CNTN4: variants seen among roughly 807,000 people sequenced by gnomAD.
The protein encoded by CNTN4 is contactin 4.
In CNTN4, 77 loss-of-function variants were observed where a neutral mutation model predicts 122.5. That is an observed-to-expected ratio of 0.63 (90% CI 0.52 to 0.76). The LOEUF (loss-of-function observed/expected upper bound fraction) is 0.76. Among genes scored for constraint, CNTN4 ranks in the 30% least tolerant of loss-of-function variants. The probability of loss-of-function intolerance (pLI) is 0.00; values close to 1 mark genes in which losing one functional copy is unlikely to be tolerated. For missense variants in CNTN4, 1,256 were observed against 1,259.1 expected (o/e 1.00, Z 0.04); for synonymous variants, 512 against 447.0 (o/e 1.15, Z -1.83).
rs2046141872 is a variant in CNTN4 at position 2,384,115 on chromosome 3, C to G, written c.-89+44882C>G. Among the ~76,000 whole-genome samples, 4 of 152,218 alleles carry G rather than the reference C, an allele frequency of 2.6e-5. 1 individual carries two copies. The highest frequency in any genetic ancestry group is 2.6e-4 in the Admixed American group (4 of 15,294). On this transcript the variant is annotated intron_variant, in intron 3 of 24. Coordinates refer to ENST00000418658, the MANE Select transcript of CNTN4 (RefSeq NM_175607.3). ...TACTTTATACGGTTGTTGGGTGAAT[C>G]AAATAAGCTAATGAATTGAGCTTAC... is the stretch of plus-strand genomic sequence containing the variant.
intron 13 of CNTN4, among the ~76,000 whole-genome samples, chr3:2,928,252 C>T (rs764887142): frequency 3.8e-4 from 58 of 152,112 alleles, no homozygotes; most frequent in Non-Finnish European, 6.2e-4. Context: ...TCATGAGCCA[C>T]GGGTTTTTAA....
intron 2 of CNTN4, among the ~76,000 whole-genome samples, chr3:2,273,526 C>T (rs1317516337): frequency 6.6e-6 from 1 of 152,152 alleles, no homozygotes; most frequent in African/African-American, 2.4e-5. Flanking sequence ...ACTGATGAGC[C>T]AGTTGAATTA....
At chr3:2,129,469 G>A (rs183117828) in intron 2 of CNTN4, among the ~76,000 whole-genome samples, 1 of 151,638 alleles carries the variant, frequency 6.6e-6, no homozygotes, top group Admixed American at 6.7e-5. Context: ...AAATAATCAA[G>A]TGTTGATGGT....
intron 3 of CNTN4, among the ~76,000 whole-genome samples, chr3:2,464,479 G>T (rs567476778): frequency 6.6e-6 from 1 of 152,208 alleles, no homozygotes; most frequent in Non-Finnish European, 1.5e-5. Flanking sequence ...AGGCATAAAG[G>T]TATTGTGCAT....
intron 7 of CNTN4, among the ~76,000 whole-genome samples, chr3:2,835,993 A>G (rs994375797): frequency 1.3e-5 from 2 of 152,186 alleles, no homozygotes; most frequent in African/African-American, 4.8e-5. Flanking sequence ...CTAATCAAGA[A>G]CAAACTAGAG....
At position 2,810,227 on chromosome 3, in the gene CNTN4, C is replaced by G. The variant is rs144869711; in HGVS notation, c.359-9259C>G. The stretch of plus-strand genomic sequence containing the variant: ...AGTAATAGAACCCACCTCAAAGAGT[C>G]GTGGTGAAGACCGAATGAATAAATA... On this transcript the variant is annotated intron_variant, in intron 6 of 24. Transcript: ENST00000418658. Among the ~76,000 whole-genome samples, 613 of 152,250 alleles carry G rather than the reference C, an allele frequency of 4.0e-3. 2 individuals are homozygous for G. Among genetic ancestry groups the G allele is most frequent in the African/African-American group, 0.014 (567 of 41,542 alleles).
chr3:2,671,168 A>C (rs917335861), intron 4 of CNTN4, among the ~76,000 whole-genome samples: 9 of 152,084 alleles, frequency 5.9e-5, no homozygotes, highest in African/African-American at 1.9e-4. Context: ...AGTTCTGGAT[A>C]ATATCCTGCA....
intron 2 of CNTN4, among the ~76,000 whole-genome samples, chr3:2,264,775 C>T (rs182500669): frequency 6.6e-6 from 1 of 151,882 alleles, no homozygotes; most frequent in African/African-American, 2.4e-5. Context: ...AGTGTTTAAT[C>T]CATTTTGAGT....
intron 2 of CNTN4, among the ~76,000 whole-genome samples, chr3:2,310,928 A>G (rs550376217): frequency 1.3e-5 from 2 of 152,238 alleles, no homozygotes; most frequent in South Asian, 2.1e-4. Flanking sequence ...AAAGCAGTAG[A>G]TGTGTTTTGA....
chr3:2,233,379 G>T (rs532738777), intron 2 of CNTN4, among the ~76,000 whole-genome samples: 48 of 152,232 alleles, frequency 3.2e-4, no homozygotes, highest in African/African-American at 1.1e-3. Context: ...CTCTTAAGTG[G>T]TCGATCAAGA....
intron 10 of CNTN4, among the ~76,000 whole-genome samples, chr3:2,898,924 A>G (rs960113066): frequency 6.6e-6 from 1 of 152,220 alleles, no homozygotes; most frequent in Non-Finnish European, 1.5e-5. Flanking sequence ...CCTTTGCATT[A>G]GCAGCAGGAA....
intron 2 of CNTN4, among the ~76,000 whole-genome samples, chr3:2,300,282 T>C (rs968301113): frequency 3.9e-5 from 6 of 152,202 alleles, no homozygotes; most frequent in Non-Finnish European, 7.4e-5. Flanking sequence ...TTTTAATTAT[T>C]TCAACTGGCA....
intron 2 of CNTN4, among the ~76,000 whole-genome samples, chr3:2,204,756 G>T (rs2038263629): frequency 1.3e-5 from 2 of 151,936 alleles, no homozygotes; most frequent in South Asian, 4.1e-4. Context: ...CCCCCCCATG[G>T]GATAAAGTCA....
chr3:2,822,708 G>C (rs548377315), intron 7 of CNTN4, among the ~76,000 whole-genome samples: 41 of 152,264 alleles, frequency 2.7e-4, no homozygotes, highest in African/African-American at 9.6e-4. Flanking sequence ...AACACATGGA[G>C]TGATGCTGTG....
At chr3:2,608,639 G>T (rs551732569) in intron 4 of CNTN4, among the ~76,000 whole-genome samples, 29 of 152,080 alleles carry the variant, frequency 1.9e-4, no homozygotes, top group Non-Finnish European at 3.7e-4. Context: ...GTGCCACCAT[G>T]CCTGGCTAAT....
At chr3:2,712,000 A>G (rs969597244) in intron 4 of CNTN4, among the ~76,000 whole-genome samples, 1 of 152,168 alleles carries the variant, frequency 6.6e-6, no homozygotes, top group Non-Finnish European at 1.5e-5. Context: ...GGGATAGTTT[A>G]TTTATCAGAG....
intron 4 of CNTN4, among the ~76,000 whole-genome samples, chr3:2,659,837 T>A (rs1052975703): frequency 1.3e-5 from 2 of 152,308 alleles, no homozygotes; most frequent in African/African-American, 4.8e-5. Flanking sequence ...TACACAATAG[T>A]TTTGAGAGAC....
intron 24 of CNTN4, among the ~76,000 whole-genome samples, chr3:3,054,966 C>T (rs1444385089): frequency 6.6e-6 from 1 of 152,140 alleles, no homozygotes; most frequent in Non-Finnish European, 1.5e-5. Flanking sequence ...TATAAATTTT[C>T]AAGACATTGG....
chr3:2,412,221 G>C (rs572466386), intron 3 of CNTN4, among the ~76,000 whole-genome samples: 48 of 151,798 alleles, frequency 3.2e-4, no homozygotes, highest in Non-Finnish European at 6.5e-4. Context: ...CCTCCTCCTA[G>C]TGATGAATAT....
Sources: allele counts gnomAD v4.1 joint callset (sites outside exome capture counted in the v4.1 genomes callset), GRCh38; gene constraint gnomAD v4.1.1; transcripts MANE v1.5; gene names NCBI Gene and HGNC (gene_info 2026-07-23, HGNC 2026-07-21).